The following KCNH7 variants were observed in gnomAD, a reference collection of about 807,000 sequenced individuals.
KCNH7 encodes the protein potassium voltage-gated channel subfamily H member 7.
KCNH7 carries 49 observed loss-of-function variants against 120.8 expected under a neutral mutation model. That is an observed-to-expected ratio of 0.41 (90% confidence interval 0.32 to 0.51). KCNH7 has a LOEUF of 0.51. Among genes scored for constraint, KCNH7 ranks in the 20% least tolerant of loss-of-function variants. KCNH7 has a pLI of 0.38. For missense variants in KCNH7, 1,097 were observed against 1,446.6 expected (o/e 0.76, Z 3.92); for synonymous variants, 547 against 516.1 (o/e 1.06, Z -0.81).
intron 2 of KCNH7, among the ~76,000 whole-genome samples, chr2:162,781,301 A>G (rs950616854): frequency 6.6e-6 from 1 of 151,964 alleles, no homozygotes; most frequent in Non-Finnish European, 1.5e-5. Context: ...TTTTAGTTTA[A>G]CAGATGAAAC....
intron 2 of KCNH7, among the ~76,000 whole-genome samples, chr2:162,731,591 A>G (rs1294423629): frequency 1.3e-5 from 2 of 151,956 alleles, no homozygotes; most frequent in Non-Finnish European, 2.9e-5. Flanking sequence ...ATAATATTTT[A>G]TAAAACAAGC....
chr2:162,589,556 A>G (rs1426267234), intron 2 of KCNH7, among the ~76,000 whole-genome samples: 1 of 152,092 alleles, frequency 6.6e-6, no homozygotes. Flanking sequence ...GTAGAGCACA[A>G]ACTCTCACAT....
intron 3 of KCNH7, among the ~76,000 whole-genome samples, chr2:162,528,804 C>A (rs1245292749): frequency 6.6e-6 from 1 of 151,750 alleles, no homozygotes; most frequent in African/African-American, 2.4e-5. Context: ...TTATATCAGT[C>A]CAAGAAAGAT....
At chr2:162,741,123 G>C (rs1167729075) in intron 2 of KCNH7, among the ~76,000 whole-genome samples, 1 of 151,958 alleles carries the variant, frequency 6.6e-6, no homozygotes, top group East Asian at 1.9e-4. Flanking sequence ...CCATGCTTTG[G>C]AGAGGGGTAT....
intron 2 of KCNH7, among the ~76,000 whole-genome samples, chr2:162,647,876 T>C (rs1684422979): frequency 1.3e-5 from 2 of 152,216 alleles, no homozygotes; most frequent in African/African-American, 4.8e-5. Flanking sequence ...AACTATGTTG[T>C]ATGTATTGTC....
intron 12 of KCNH7, among the ~76,000 whole-genome samples, chr2:162,388,918 C>A (rs930506182): frequency 6.6e-6 from 1 of 151,840 alleles, no homozygotes; most frequent in Admixed American, 6.6e-5. Context: ...GAGTATATAT[C>A]GAAGAGCTCA....
chr2:162,808,405 G>A (rs769485402), intron 2 of KCNH7, among the ~76,000 whole-genome samples: 2 of 152,068 alleles, frequency 1.3e-5, no homozygotes, highest in Non-Finnish European at 2.9e-5. Context: ...AATTCACCAG[G>A]AGTTATCACA....
At chr2:162,752,921 A>G (rs541490116) in intron 2 of KCNH7, among the ~76,000 whole-genome samples, 16 of 67,736 alleles carry the variant, frequency 2.4e-4, no homozygotes, top group Non-Finnish European at 3.1e-4. Flanking sequence ...AAGAAAAGAA[A>G]AGAAAAGAAA....
chr2:162,510,994 G>A (rs1287498205), intron 5 of KCNH7, among the ~76,000 whole-genome samples: 1 of 151,692 alleles, frequency 6.6e-6, no homozygotes, highest in Non-Finnish European at 1.5e-5. Context: ...TTTGTGCAAT[G>A]GTTTAGAGAT....
At chr2:162,780,254 C>A (rs1353836872) in intron 2 of KCNH7, among the ~76,000 whole-genome samples, 1 of 152,150 alleles carries the variant, frequency 6.6e-6, no homozygotes, top group African/African-American at 2.4e-5. Context: ...CATCTCCTTT[C>A]ATTTCCTCGA....
chr2:162,700,220 A>G (rs1330947040), intron 2 of KCNH7, among the ~76,000 whole-genome samples: 1 of 152,184 alleles, frequency 6.6e-6, no homozygotes, highest in African/African-American at 2.4e-5. Flanking sequence ...ATAACCCCCC[A>G]GAGCCCCAGA....
intron 2 of KCNH7, among the ~76,000 whole-genome samples, chr2:162,732,260 A>AT (rs1191326672): frequency 6.6e-6 from 1 of 152,182 alleles, no homozygotes; most frequent in Non-Finnish European, 1.5e-5. Context: ...CATTCGACTC[A>AT]TGACGTGACA....
chr2:162,520,609 C>A (rs1420962930), intron 3 of KCNH7, among the ~76,000 whole-genome samples: 1 of 151,380 alleles, frequency 6.6e-6, no homozygotes, highest in African/African-American at 2.4e-5. Context: ...AAAAAAACAA[C>A]AACAACAAAA....
chr2:162,581,210 T>G (rs1693854901), intron 2 of KCNH7, among the ~76,000 whole-genome samples: 1 of 152,096 alleles, frequency 6.6e-6, no homozygotes, highest in Non-Finnish European at 1.5e-5. Flanking sequence ...GTGGTTGCTT[T>G]CTTTATTCGT....
chr2:162,413,787 AC>A (rs1420892797), intron 9 of KCNH7, among the ~76,000 whole-genome samples: 3 of 151,978 alleles, frequency 2.0e-5, no homozygotes, highest in African/African-American at 7.2e-5. Flanking sequence ...TTAAAAAAAA[AC>A]AGCAATGTTA....
intron 2 of KCNH7, among the ~76,000 whole-genome samples, chr2:162,711,153 G>A (rs1686915548): frequency 6.6e-6 from 1 of 152,228 alleles, no homozygotes; most frequent in Non-Finnish European, 1.5e-5. Flanking sequence ...GAGTTATTAA[G>A]GGGAAATGTA....
At chr2:162,823,342 T>A (rs1477639521) in intron 2 of KCNH7, among the ~76,000 whole-genome samples, 1 of 152,226 alleles carries the variant, frequency 6.6e-6, no homozygotes, top group Non-Finnish European at 1.5e-5. Context: ...TATTTAATTA[T>A]CTCTAATTAC....
At chr2:162,430,053 TA>T (rs1196590363) in intron 8 of KCNH7, among the ~76,000 whole-genome samples, 3 of 151,996 alleles carry the variant, frequency 2.0e-5, no homozygotes, top group African/African-American at 4.8e-5. Flanking sequence ...TTTTTTGTCT[TA>T]AAAAAAGTTA....
intron 10 of KCNH7, among the ~76,000 whole-genome samples, chr2:162,398,831 A>T (rs937213254): frequency 4.6e-5 from 7 of 151,888 alleles, no homozygotes; most frequent in African/African-American, 1.7e-4. Context: ...ACCTAACTTG[A>T]TTGTGTGGCC....
Sources: allele counts gnomAD v4.1 joint callset (sites outside exome capture counted in the v4.1 genomes callset), GRCh38; gene constraint gnomAD v4.1.1; transcripts MANE v1.5; gene names NCBI Gene and HGNC (gene_info 2026-07-23, HGNC 2026-07-21).